The following PCDHA10 variants were observed in gnomAD, a reference collection of about 807,000 sequenced individuals.
The protein encoded by PCDHA10 is protocadherin alpha 10.
PCDHA10 carries 45 observed loss-of-function variants against 61.2 expected under a neutral mutation model. The ratio of observed to expected loss-of-function variants is 0.74; its 90% CI spans 0.58 to 0.94. PCDHA10 has a LOEUF of 0.94. Ranked by LOEUF, PCDHA10 falls within the 40% of genes least tolerant of loss-of-function variation. PCDHA10 has a pLI of 0.00. For synonymous variants in PCDHA10, 602 were observed against 548.8 expected, an observed-to-expected ratio of 1.10 and a Z score of -1.35; for missense variants, 1,278 against 1,236.2, an observed-to-expected ratio of 1.03 and a Z score of -0.51.
At chr5:140,928,958 C>T in intron 1 of PCDHA10, 1 of 1,613,930 alleles carries the variant, frequency 6.2e-7, no homozygotes, top group South Asian at 1.1e-5. Flanking sequence ...ATTGCCTTGG[C>T]TTGTATTTCC....
chr5:140,881,409 A>G (rs2153379419), intron 1 of PCDHA10: 1 of 950,550 alleles, frequency 1.1e-6, no homozygotes, highest in East Asian at 1.2e-4. Context: ...TTAAATCAAT[A>G]GGATATTAGT....
intron 1 of PCDHA10, among the ~76,000 whole-genome samples, chr5:140,951,019 G>A (rs555662052): frequency 2.0e-5 from 3 of 152,114 alleles, no homozygotes; most frequent in African/African-American, 7.2e-5. Context: ...ATCAGGCAGT[G>A]AGTTTTAATT....
In PCDHA10 at chr5:140,936,000, C is replaced by T. The variant is rs370629183; in HGVS notation, c.2389-42949C>T. Among the ~76,000 whole-genome samples, 13 of 150,536 alleles carry T rather than the reference C, an allele frequency of 8.6e-5. No homozygotes were observed. In the East Asian group the frequency reaches 1.6e-3, roughly 18 times the overall value. ...CTCTGCCTCCCGGGTTCAAGCGATT[C>T]TCCCACCTCAGCCTCCCGAGTAGCG... On this transcript the variant is annotated intron_variant, in intron 1 of 3. Coordinates refer to ENST00000307360, the MANE Select transcript of PCDHA10 (RefSeq NM_018901.4).
intron 1 of PCDHA10, among the ~76,000 whole-genome samples, chr5:140,888,140 G>A (rs2061708866): frequency 1.3e-5 from 2 of 152,080 alleles, no homozygotes; most frequent in Admixed American, 1.3e-4. Context: ...TTTTCTTGCT[G>A]TTTTGCATGA....
chr5:140,933,945 T>A (rs1435633780), intron 1 of PCDHA10, among the ~76,000 whole-genome samples: 1 of 152,084 alleles, frequency 6.6e-6, no homozygotes, highest in Non-Finnish European at 1.5e-5. Flanking sequence ...TTTTCACATC[T>A]GCAGGATCTG....
At chr5:140,883,519 CG>C in intron 1 of PCDHA10, 1 of 1,614,190 alleles carries the variant, frequency 6.2e-7, no homozygotes, top group African/African-American at 1.3e-5. Flanking sequence ...ACCGCGAGAG[CG>C]TATCAGCCTA....
chr5:140,963,395 C>T (rs544819387), intron 1 of PCDHA10, among the ~76,000 whole-genome samples: 4 of 152,322 alleles, frequency 2.6e-5, no homozygotes, highest in African/African-American at 7.2e-5. Flanking sequence ...AAGCTCCCTA[C>T]TGGATGCTGT....
intron 1 of PCDHA10, among the ~76,000 whole-genome samples, chr5:140,914,132 T>G (rs1554196213): frequency 6.6e-6 from 1 of 152,152 alleles, no homozygotes; most frequent in Non-Finnish European, 1.5e-5. Context: ...CTTTGTTGAG[T>G]TTTTGTCTGT....
intron 1 of PCDHA10, chr5:140,871,330 G>A: frequency 1.9e-6 from 3 of 1,614,116 alleles, no homozygotes; most frequent in South Asian, 1.1e-5. Flanking sequence ...GTGCTCCCGC[G>A]CGGTGGGGAG....
chr5:140,942,944 T>C (rs368380576), intron 1 of PCDHA10, among the ~76,000 whole-genome samples: 1 of 151,862 alleles, frequency 6.6e-6, no homozygotes, highest in African/African-American at 2.4e-5. Context: ...GTTTAAAGTG[T>C]AGACGTTCTG....
chr5:140,897,677 G>T (rs1390475923), intron 1 of PCDHA10, among the ~76,000 whole-genome samples: 1 of 152,168 alleles, frequency 6.6e-6, no homozygotes, highest in African/African-American at 2.4e-5. Flanking sequence ...ATAGCAGCAT[G>T]ATTTATAGTC....
chr5:140,887,101 C>CT (rs200717289), intron 1 of PCDHA10, among the ~76,000 whole-genome samples: 1,545 of 145,196 alleles, frequency 0.011, 15 homozygotes, highest in African/African-American at 0.022. Flanking sequence ...ATCTTTATCT[C>CT]TTTTTTTTTT....
intron 1 of PCDHA10, among the ~76,000 whole-genome samples, chr5:140,976,550 C>CATAA (rs782672542): frequency 1.5e-4 from 23 of 152,064 alleles, no homozygotes; most frequent in African/African-American, 4.6e-4. Flanking sequence ...GACCCTATCT[C>CATAA]ATAAATAAAT....
intron 1 of PCDHA10, among the ~76,000 whole-genome samples, chr5:140,907,664 T>G (rs2073522534): frequency 6.6e-6 from 1 of 152,216 alleles, no homozygotes; most frequent in Non-Finnish European, 1.5e-5. Context: ...CAGCAGTGGC[T>G]GTAGCCAGGT....
intron 1 of PCDHA10, among the ~76,000 whole-genome samples, chr5:140,935,292 G>A (rs782760921): frequency 3.0e-4 from 46 of 152,068 alleles, no homozygotes; most frequent in Non-Finnish European, 3.8e-4. Context: ...TCAGCACTCC[G>A]AGGTTTTTAC....
At chr5:140,968,986 A>ATGCTGTGGAGGC (rs782197469) in intron 1 of PCDHA10, 25 of 1,614,206 alleles carry the variant, frequency 1.5e-5, no homozygotes, top group Non-Finnish European at 1.9e-5. Flanking sequence ...ATGGCACTGC[A>ATGCTGTGGAGGC]TGCTGTGGAG....
chr5:140,967,831 C>T (rs2153762943), intron 1 of PCDHA10: 1 of 1,614,130 alleles, frequency 6.2e-7, no homozygotes, highest in Admixed American at 1.7e-5. Flanking sequence ...TGGTGGACAT[C>T]GTGGACGTGA....
Position 140,928,944 on chromosome 5 carries a change from A to C in PCDHA10, c.2389-50005A>C, listed in dbSNP as rs782627710. The C allele has an allele frequency of 6.2e-6, 10 of 1,614,070 alleles. No homozygotes were observed. In the Admixed American group the frequency reaches 1.7e-4, roughly 27 times the overall value. On this transcript the variant is annotated intron_variant, in intron 1 of 3. Transcript: ENST00000307360. ...AGCTTTCTGCCCAGAACTTGTATTTAGTAATTGCCTTGGCTTGTATTTCCT... is the reference window on the plus strand; with the variant it reads ...AGCTTTCTGCCCAGAACTTGTATTTCGTAATTGCCTTGGCTTGTATTTCCT...
intron 1 of PCDHA10, chr5:140,875,396 T>TA (rs1256359492): frequency 1.4e-6 from 2 of 1,478,102 alleles, no homozygotes; most frequent in African/African-American, 2.8e-5. Flanking sequence ...CAGAAAAGGG[T>TA]GACTGCTCAT....
Sources: allele counts gnomAD v4.1 joint callset (sites outside exome capture counted in the v4.1 genomes callset), GRCh38; gene constraint gnomAD v4.1.1; transcripts MANE v1.5; gene names NCBI Gene and HGNC (gene_info 2026-07-23, HGNC 2026-07-21).